Variants in MFHAS1 observed in about 807,000 individuals in gnomAD.
MFHAS1 encodes the protein malignant fibrous histiocytoma-amplified sequence 1.
Under a neutral mutation model 70.4 loss-of-function variants are expected in MFHAS1, and 50 were observed. The ratio of observed to expected loss-of-function variants is 0.71; its 90% CI spans 0.57 to 0.90. The LOEUF is 0.90. MFHAS1 is among the 40% of genes least tolerant of loss of function. The pLI, the probability that MFHAS1 is intolerant of heterozygous loss-of-function variation, is 0.00. For synonymous variants in MFHAS1, 952 were observed against 620.0 expected (o/e 1.54, Z -7.96); for missense variants, 1,795 against 1,347.6 (o/e 1.33, Z -5.20).
intron 1 of MFHAS1, among the ~76,000 whole-genome samples, chr8:8,847,621 C>T (rs1328505698): frequency 5.3e-5 from 8 of 152,158 alleles, no homozygotes; most frequent in African/African-American, 1.7e-4. Context: ...GAGCCCTATG[C>T]TTAGAATTGT....
intron 1 of MFHAS1, among the ~76,000 whole-genome samples, chr8:8,862,368 G>C (rs764114515): frequency 3.4e-5 from 5 of 145,026 alleles, no homozygotes; most frequent in Non-Finnish European, 7.5e-5. Flanking sequence ...TGTTTAACTG[G>C]GTTGTCTCAG....
At chr8:8,886,697 A>G (rs1316816316) in intron 1 of MFHAS1, among the ~76,000 whole-genome samples, 1 of 152,208 alleles carries the variant, frequency 6.6e-6, no homozygotes, top group Non-Finnish European at 1.5e-5. Context: ...AACATCCCAA[A>G]GTTAAGAAAA....
chr8:8,819,018 T>C (rs1421418649), intron 1 of MFHAS1, among the ~76,000 whole-genome samples: 2 of 152,224 alleles, frequency 1.3e-5, no homozygotes, highest in African/African-American at 2.4e-5. Context: ...GTGTTGTTTC[T>C]GGAGTAAAAT....
At position 8,785,250 on chromosome 8, in the gene MFHAS1, G is replaced by C. The variant is rs546869618; in HGVS notation, c.*772C>G. 6.6e-6 allele frequency: 1 copy of C among 152,208 alleles called. No individual in the cohort carries two copies. Among genetic ancestry groups the C allele is most frequent in the East Asian group, 1.9e-4 (1 of 5,172 alleles). The allele number at this position is 152,208 out of a possible 1,614,324, so 9.4% of individuals were successfully genotyped here. On this transcript the variant is annotated 3_prime_UTR_variant, in exon 3 of 3. Coordinates refer to ENST00000276282, the MANE Select transcript of MFHAS1 (RefSeq NM_004225.3). The stretch of plus-strand genomic sequence containing the variant: ...GAAGAGCAAAGGATTTCCCACCAGC[G>C]TGCCAGATGATTTATATAGGCAGGG...
At chr8:8,820,043 A>G (rs1017452725) in intron 1 of MFHAS1, among the ~76,000 whole-genome samples, 1 of 152,246 alleles carries the variant, frequency 6.6e-6, no homozygotes, top group South Asian at 2.1e-4. Context: ...AAACAATCCC[A>G]GTGTAAATTT....
At chr8:8,885,118 C>A (rs1054715252) in intron 1 of MFHAS1, among the ~76,000 whole-genome samples, 5 of 152,082 alleles carry the variant, frequency 3.3e-5, no homozygotes, top group African/African-American at 1.2e-4. Context: ...CAAACACCAA[C>A]AAAACAAGTC....
chr8:8,791,474 T>C lies in MFHAS1; in HGVS notation c.3126-5419A>G, dbSNP rs563248431. Among the ~76,000 whole-genome samples the C allele has an allele frequency of 5.3e-5, 8 of 152,254 alleles. No individual in the cohort carries two copies. The South Asian group carries it at 1.7e-3, about 32-fold the overall frequency. ...TTATCTGGCAGGTTATCAAAGAGTCTTCAGTTTGGTGGAGGACGGATTTGC... is the reference window on the plus strand; with the variant it reads ...TTATCTGGCAGGTTATCAAAGAGTCCTCAGTTTGGTGGAGGACGGATTTGC... On this transcript the variant is annotated intron_variant, in intron 2 of 2. Coordinates refer to ENST00000276282, the MANE Select transcript of MFHAS1 (RefSeq NM_004225.3).
intron 1 of MFHAS1, among the ~76,000 whole-genome samples, chr8:8,805,048 C>G (rs2117271864): frequency 6.6e-6 from 1 of 152,304 alleles, no homozygotes; most frequent in Non-Finnish European, 1.5e-5. Flanking sequence ...GGTCCAAGGG[C>G]CCCTTGAGGG....
At chr8:8,801,266 T>C (rs913373169) in intron 1 of MFHAS1, among the ~76,000 whole-genome samples, 23 of 152,036 alleles carry the variant, frequency 1.5e-4, no homozygotes, top group African/African-American at 5.1e-4. Flanking sequence ...TAAGCCTCCA[T>C]TATCAACTCT....
chr8:8,814,446 T>C (rs537170000), intron 1 of MFHAS1, among the ~76,000 whole-genome samples: 1 of 152,210 alleles, frequency 6.6e-6, no homozygotes. Context: ...CTCTGTCATG[T>C]TCGCACGATG....
At position 8,797,503 on chromosome 8, in the gene MFHAS1, G is replaced by C. The variant is rs769725387; in HGVS notation, c.2999-12C>G. 3 of 1,611,684 alleles carry C rather than the reference G, an allele frequency of 1.9e-6. No individual in the cohort carries two copies. Among genetic ancestry groups the C allele is most frequent in the East Asian group, 4.5e-5 (2 of 44,844 alleles). ...ACTCAGCAACTCCCCTGTAGGAGGAGAGAGAAAAACGTGTTAGGGAGATGT... is the reference window on the plus strand; with the variant it reads ...ACTCAGCAACTCCCCTGTAGGAGGACAGAGAAAAACGTGTTAGGGAGATGT... On this transcript the variant is annotated splice_polypyrimidine_tract_variant and intron_variant, in intron 1 of 2. Transcript: ENST00000276282.
chr8:8,793,926 G>A (rs1452711296), intron 2 of MFHAS1, among the ~76,000 whole-genome samples: 3 of 152,172 alleles, frequency 2.0e-5, no homozygotes, highest in African/African-American at 7.2e-5. Flanking sequence ...GGTGGCTCAT[G>A]CCTGTAATCC....
intron 1 of MFHAS1, among the ~76,000 whole-genome samples, chr8:8,832,863 A>G (rs1018987558): frequency 6.6e-6 from 1 of 151,918 alleles, no homozygotes; most frequent in Non-Finnish European, 1.5e-5. Flanking sequence ...ATTTTTACAA[A>G]CTATTGGTCG....
In MFHAS1 at chr8:8,785,972, A is replaced by G; in HGVS notation, c.*50T>C. On this transcript the variant is annotated 3_prime_UTR_variant, in exon 3 of 3. Coordinates refer to ENST00000276282, the MANE Select transcript of MFHAS1 (RefSeq NM_004225.3). ...GTCTGCCAGGTGCAAAAGATGGTCC[A>G]GGTGTTCAGATGCTCTCTTTTCTCC... is the stretch of plus-strand genomic sequence containing the variant. 1 of 1,596,014 alleles carries G rather than the reference A, an allele frequency of 6.3e-7. No homozygotes were observed. The highest frequency in any genetic ancestry group is 2.2e-5 in the East Asian group (1 of 44,774).
intron 1 of MFHAS1, among the ~76,000 whole-genome samples, chr8:8,878,734 G>A (rs1016968385): frequency 6.6e-6 from 1 of 151,910 alleles, no homozygotes; most frequent in African/African-American, 2.4e-5. Context: ...AGGGAGGCTT[G>A]TTCTAGAGAC....
At chr8:8,849,747 T>G (rs757772497) in intron 1 of MFHAS1, among the ~76,000 whole-genome samples, 14 of 152,182 alleles carry the variant, frequency 9.2e-5, no homozygotes, top group Non-Finnish European at 2.1e-4. Flanking sequence ...CAGGTAAGGG[T>G]AGATAAGCTT....
intron 1 of MFHAS1, among the ~76,000 whole-genome samples, chr8:8,826,859 T>C (rs1285295239): frequency 6.6e-6 from 1 of 152,226 alleles, no homozygotes; most frequent in Non-Finnish European, 1.5e-5. Flanking sequence ...GCAGCCATCT[T>C]GCTGCCATAA....
chr8:8,861,387 G>A (rs1182067768), intron 1 of MFHAS1, among the ~76,000 whole-genome samples: 3 of 152,088 alleles, frequency 2.0e-5, no homozygotes, highest in Non-Finnish European at 4.4e-5. Context: ...CAGTCTAACA[G>A]AATATAATCA....
intron 1 of MFHAS1, among the ~76,000 whole-genome samples, chr8:8,840,385 A>G (rs1342941100): frequency 6.7e-6 from 1 of 149,906 alleles, no homozygotes; most frequent in Admixed American, 6.7e-5. Flanking sequence ...TGAACCTGGG[A>G]GACGGAGCTT....
Sources: allele counts gnomAD v4.1 joint callset (sites outside exome capture counted in the v4.1 genomes callset), GRCh38; gene constraint gnomAD v4.1.1; transcripts MANE v1.5; gene names NCBI Gene and HGNC (gene_info 2026-07-23, HGNC 2026-07-21).